The following EFHD1 variants were observed in gnomAD, a reference collection of about 807,000 sequenced individuals.
EFHD1 encodes EF-hand domain-containing protein D1.
A neutral mutation model predicts 17.2 loss-of-function variants in EFHD1; 10 were observed. The observed-to-expected ratio is 0.58, with a 90% CI of 0.36 to 0.99. The LOEUF (loss-of-function observed/expected upper bound fraction) is 0.99. Ranked by LOEUF, EFHD1 falls within the 50% of genes least tolerant of loss-of-function variation. The pLI, the probability that EFHD1 is intolerant of heterozygous loss-of-function variation, is 0.01. For synonymous variants in EFHD1, 153 were observed against 142.0 expected (o/e 1.08, Z -0.55); for missense variants, 310 against 327.5 (o/e 0.95, Z 0.41).
chr2:232,634,168 C>T (rs1694269993), intron 1 of EFHD1, among the ~76,000 whole-genome samples, 162 bp downstream of exon 1: 1 of 152,114 alleles, frequency 6.6e-6, no homozygotes, highest in Admixed American at 6.5e-5. Context: ...TCTATCTCGG[C>T]GCGGTGGGGG....
At chr2:232,610,481 A>C (rs1423335755) in intron 1 of EFHD1, among the ~76,000 whole-genome samples, 7 of 151,762 alleles carry the variant, frequency 4.6e-5, no homozygotes. Flanking sequence ...AGGCTGAGGC[A>C]GGAGAATCAC....
chr2:232,620,257 A>G (rs376596860), intron 1 of EFHD1, among the ~76,000 whole-genome samples: 15 of 151,210 alleles, frequency 9.9e-5, no homozygotes, highest in East Asian at 9.8e-4. Context: ...GCGCGGTGGC[A>G]GGCACCTGTA....
chr2:232,639,786 T>C (rs1694392269), intron 1 of EFHD1, among the ~76,000 whole-genome samples: 2 of 152,176 alleles, frequency 1.3e-5, no homozygotes, highest in Admixed American at 1.3e-4. Flanking sequence ...CAGCACATCC[T>C]CAGGGCACTG....
chr2:232,636,053 CT>C (rs1486663940), intron 1 of EFHD1, among the ~76,000 whole-genome samples: 1 of 152,186 alleles, frequency 6.6e-6, no homozygotes, highest in African/African-American at 2.4e-5. Context: ...CTTAGTTTCT[CT>C]TTTTGTTAAG....
chr2:232,629,972 G>A (rs895637575), upstream of EFHD1, among the ~76,000 whole-genome samples: 1 of 149,976 alleles, frequency 6.7e-6, no homozygotes, highest in Non-Finnish European at 1.5e-5. Flanking sequence ...TTGTTTGTTT[G>A]AGACAGGGTC....
At chr2:232,675,007 C>T (rs948339743) in intron 3 of EFHD1, among the ~76,000 whole-genome samples, 1 of 151,944 alleles carries the variant, frequency 6.6e-6, no homozygotes, top group Non-Finnish European at 1.5e-5. Flanking sequence ...TGAAACCCAT[C>T]TCCACTAAAA....
At chr2:232,663,710 G>A (rs151316133) in intron 2 of EFHD1, among the ~76,000 whole-genome samples, 28 of 152,202 alleles carry the variant, frequency 1.8e-4, no homozygotes, top group African/African-American at 6.5e-4. Flanking sequence ...TAACGACCAA[G>A]TCAGGGTAAT....
At chr2:232,635,584 C>A (rs545279145) in intron 1 of EFHD1, among the ~76,000 whole-genome samples, 2 of 152,046 alleles carry the variant, frequency 1.3e-5, no homozygotes, top group Non-Finnish European at 2.9e-5. Flanking sequence ...TCTGGGAGGA[C>A]GAGGCAGGCG....
intron 1 of EFHD1, among the ~76,000 whole-genome samples, chr2:232,640,565 A>T (rs1451868375): frequency 2.0e-5 from 3 of 152,206 alleles, no homozygotes; most frequent in African/African-American, 7.2e-5. Flanking sequence ...GCCAGGTGCC[A>T]GTTTATATAT....
intron 1 of EFHD1, among the ~76,000 whole-genome samples, chr2:232,612,923 G>A (rs896223863): frequency 1.3e-5 from 2 of 151,512 alleles, no homozygotes; most frequent in Non-Finnish European, 2.9e-5. Flanking sequence ...AGTAGAGATG[G>A]GGTTTCGCCA....
chr2:232,647,242 C>T (rs1022695279), intron 1 of EFHD1, among the ~76,000 whole-genome samples: 1 of 152,212 alleles, frequency 6.6e-6, no homozygotes, highest in South Asian at 2.1e-4. Context: ...GTGGAGAAAG[C>T]AGGAAAAGGT....
At chr2:232,640,613 C>T (rs1314811051) in intron 1 of EFHD1, among the ~76,000 whole-genome samples, 1 of 152,194 alleles carries the variant, frequency 6.6e-6, no homozygotes, top group Non-Finnish European at 1.5e-5. Context: ...CCTTGAGAAG[C>T]TCAACAAATG....
At chr2:232,629,788 AAAAATG>A (rs1694171907), upstream of EFHD1, among the ~76,000 whole-genome samples, 2 of 152,002 alleles carry the variant, frequency 1.3e-5, no homozygotes. Context: ...TGAGAATTTA[AAAAATG>A]AAAATGAAAA....
chr2:232,641,482 T>C (rs1016443201), intron 1 of EFHD1, among the ~76,000 whole-genome samples: 5 of 152,318 alleles, frequency 3.3e-5, no homozygotes, highest in African/African-American at 1.2e-4. Context: ...GGCTAGGAGA[T>C]GGGCTGTGTG....
At chr2:232,615,684 CTTTT>C (rs34266488) in intron 1 of EFHD1, among the ~76,000 whole-genome samples, 3 of 109,012 alleles carry the variant, frequency 2.8e-5, no homozygotes, top group Non-Finnish European at 3.6e-5. Flanking sequence ...TTTTCTTTTC[CTTTT>C]TTTTTTTTTT....
chr2:232,628,815 C>T (rs1227883731), upstream of EFHD1, among the ~76,000 whole-genome samples: 1 of 152,172 alleles, frequency 6.6e-6, no homozygotes, highest in Non-Finnish European at 1.5e-5. Context: ...GAACTATGCT[C>T]CCTCCCCTTT....
intron 1 of EFHD1, 96 bp from the exon 2 acceptor site, chr2:232,662,706 G>C (rs113043882): frequency 5.3e-6 from 8 of 1,510,966 alleles, no homozygotes; most frequent in African/African-American, 2.9e-5. Context: ...GGAGGTATTT[G>C]AGTCATTTTT....
At chr2:232,614,826 A>G (rs1027170336) in intron 1 of EFHD1, among the ~76,000 whole-genome samples, 1 of 152,112 alleles carries the variant, frequency 6.6e-6, no homozygotes. Context: ...AAATACAAAA[A>G]TTAGCCAGGT....
intron 2 of EFHD1, among the ~76,000 whole-genome samples, chr2:232,669,424 T>A (rs972116290): frequency 6.6e-6 from 1 of 152,092 alleles, no homozygotes; most frequent in African/African-American, 2.4e-5. Flanking sequence ...GAAGAGGGTG[T>A]CTTACAAGGC....
Sources: gnomAD v4.1 joint callset for allele counts (sites outside exome capture counted in the v4.1 genomes callset) on GRCh38, gnomAD v4.1.1 for gene constraint, MANE v1.5 for transcripts, NCBI Gene and HGNC (gene_info 2026-07-23, HGNC 2026-07-21) for gene names.